KMT2E: variants seen among roughly 807,000 people sequenced by gnomAD.
KMT2E encodes histone reader KMT2E.
KMT2E carries 30 observed loss-of-function variants against 184.6 expected under a neutral mutation model. The observed-to-expected ratio is 0.16, with a 90% confidence interval of 0.12 to 0.22. The LOEUF is 0.22. Among genes scored for constraint, KMT2E ranks in the 10% least tolerant of loss-of-function variants. The pLI is 1.00. For synonymous variants in KMT2E, 815 were observed against 776.5 expected, an observed-to-expected ratio of 1.05 and a Z score of -0.82; for missense variants, 2,023 against 2,237.4, an observed-to-expected ratio of 0.90 and a Z score of 1.93.
chr7:105,027,074 C>CTTTTTT (rs34930855), intron 1 of KMT2E, among the ~76,000 whole-genome samples: 3 of 81,904 alleles, frequency 3.7e-5, no homozygotes, highest in Admixed American at 1.5e-4. Context: ...GCCCCGCCCT[C>CTTTTTT]TTTTTTTTTT....
Position 105,072,863 on chromosome 7 carries a change from A to G in KMT2E, c.498-756A>G, listed in dbSNP as rs534531083. Among the ~76,000 whole-genome samples, 406 of 152,168 alleles carry G rather than the reference A, an allele frequency of 2.7e-3. 1 individual carries two copies. Among genetic ancestry groups the G allele is most frequent in the Non-Finnish European group, 4.5e-3 (309 of 67,992 alleles). ...CAGGAGGCAGAGGTTGCAGTGAGCCAAGATTGCGCCATTGCACTCCAGCCT... is the reference window on the plus strand; with the variant it reads ...CAGGAGGCAGAGGTTGCAGTGAGCCGAGATTGCGCCATTGCACTCCAGCCT... On this transcript the variant is annotated intron_variant, in intron 6 of 26. Coordinates refer to ENST00000311117, the MANE Select transcript of KMT2E (RefSeq NM_182931.3).
At chr7:105,098,993 G>A (rs1217990031) in intron 15 of KMT2E, among the ~76,000 whole-genome samples, 1 of 152,148 alleles carries the variant, frequency 6.6e-6, no homozygotes, top group African/African-American at 2.4e-5. Context: ...TTCAGTTAGA[G>A]CTATAAAATG....
chr7:105,084,469 T>TA (rs1337831612), intron 13 of KMT2E, among the ~76,000 whole-genome samples: 1 of 151,414 alleles, frequency 6.6e-6, no homozygotes, highest in Non-Finnish European at 1.5e-5. Context: ...CTACTAAAAA[T>TA]AAAAAAAATT....
At chr7:105,035,215 G>C (rs78578517) in intron 1 of KMT2E, among the ~76,000 whole-genome samples, 2 of 149,622 alleles carry the variant, frequency 1.3e-5, no homozygotes, top group Non-Finnish European at 3.0e-5. Flanking sequence ...TGTATTTTTA[G>C]TAGAGACGGG....
At chr7:105,086,343 T>G (rs1163426707) in intron 13 of KMT2E, among the ~76,000 whole-genome samples, 1 of 152,118 alleles carries the variant, frequency 6.6e-6, no homozygotes. Flanking sequence ...CAGCATGAGT[T>G]TTTGCCAGAT....
Position 105,110,333 on chromosome 7 carries a change from T to A in KMT2E, c.3809T>A (p.Leu1270Ter). The A allele has an allele frequency of 6.2e-7, 1 of 1,614,204 alleles. No homozygotes were observed. Among genetic ancestry groups the A allele is most frequent in the Admixed American group, 1.7e-5 (1 of 60,030 alleles). Reference protein sequence around the residue: ...QVRERSYQRALLLSDHRKDKD... With the variant: ...QVRERSYQRA Reference sequence around the variant, plus strand: ...AGAGAAAGGAGTTATCAGAGAGCTTTACTTCTCAGTGATCACCGAAAAGAT... The same window carrying A: ...AGAGAAAGGAGTTATCAGAGAGCTTAACTTCTCAGTGATCACCGAAAAGAT... The change falls in exon 24 of 27, where the codon TTA becomes TAA. Residue 1270 changes from leucine to a stop codon, truncating the protein, a stop_gained. Transcript: ENST00000311117. LOFTEE classifies it high-confidence loss of function.
Position 105,114,424 on chromosome 7 carries a change from G to A in KMT2E, c.*1091G>A, listed in dbSNP as rs1053596242. 6.6e-6 allele frequency: 1 copy of A among 152,078 alleles called. No individual in the cohort carries two copies. The highest frequency in any genetic ancestry group is 1.5e-5 in the Non-Finnish European group (1 of 68,000). 9.4% of individuals were successfully genotyped at this position (152,078 alleles called of 1,614,324 possible). On this transcript the variant is annotated 3_prime_UTR_variant, in exon 27 of 27. Coordinates refer to ENST00000311117, the MANE Select transcript of KMT2E (RefSeq NM_182931.3). ...CAAAACAGGAAAATTTGTCTTGGGTGTAAAAACTAAAGAAAAAAGGCATTA... is the reference window on the plus strand; with the variant it reads ...CAAAACAGGAAAATTTGTCTTGGGTATAAAAACTAAAGAAAAAAGGCATTA...
chr7:105,054,933 G>C (rs372915327), intron 3 of KMT2E, among the ~76,000 whole-genome samples: 1 of 152,196 alleles, frequency 6.6e-6, no homozygotes, highest in African/African-American at 2.4e-5. Context: ...GTGCTTTTCA[G>C]AAAAGTGAAG....
intron 3 of KMT2E, among the ~76,000 whole-genome samples, chr7:105,049,981 C>A (rs757699609): frequency 6.6e-6 from 1 of 152,330 alleles, no homozygotes; most frequent in African/African-American, 2.4e-5. Context: ...CCCCTTCTCA[C>A]CTTTTCAGAA....
intron 22 of KMT2E, 35 bp downstream of exon 22, chr7:105,107,960 G>GTT (rs34102092): frequency 0.069 from 79,696 of 1,150,492 alleles, 586 homozygotes; most frequent in Admixed American, 0.11. Context: ...CCTTTTAATA[G>GTT]TTTTTTTTTT....
At chr7:105,065,342 CT>C (rs1488413698) in intron 5 of KMT2E, among the ~76,000 whole-genome samples, 3 of 152,096 alleles carry the variant, frequency 2.0e-5, no homozygotes, top group Non-Finnish European at 4.4e-5. Context: ...TATTCTAACC[CT>C]TGTCATTTGT....
intron 15 of KMT2E, among the ~76,000 whole-genome samples, chr7:105,098,094 TCTTTTTAGATTTA>T (rs1478018577): frequency 1.3e-5 from 2 of 152,212 alleles, no homozygotes; most frequent in Admixed American, 1.3e-4. Flanking sequence ...ATCTTACCCA[TCTTTTTAGATTTA>T]TAAGTTTATC....
chr7:105,037,069 T>A (rs1298278176), intron 1 of KMT2E, among the ~76,000 whole-genome samples: 1 of 152,184 alleles, frequency 6.6e-6, no homozygotes, highest in Non-Finnish European at 1.5e-5. Context: ...ACATGTCTCC[T>A]CAAAATTTCT....
Position 105,111,806 on chromosome 7 carries a change from ATT to A in KMT2E, c.4069-17_4069-16del. On this transcript the variant is annotated splice_polypyrimidine_tract_variant and intron_variant, in intron 26 of 26. Coordinates refer to ENST00000311117, the MANE Select transcript of KMT2E (RefSeq NM_182931.3). ...ACAAAATGTTCCTTGAATGTATATA[ATT>A]TGTTTTCTCTTCATAGCCTGGTTCA... 2 of 1,587,876 alleles carry A rather than the reference ATT, an allele frequency of 1.3e-6. No homozygotes were observed. Among genetic ancestry groups the A allele is most frequent in the South Asian group, 2.3e-5 (2 of 86,194 alleles).
At chr7:105,049,900 TAAAG>T (rs918868168) in intron 3 of KMT2E, among the ~76,000 whole-genome samples, 3 of 151,818 alleles carry the variant, frequency 2.0e-5, no homozygotes, top group African/African-American at 7.3e-5. Flanking sequence ...TCAAAAAAGA[TAAAG>T]AAAAAAGAAA....
In KMT2E at chr7:105,105,998, T is replaced by C; in HGVS notation, c.2591T>C (p.Leu864Pro). 1 of 1,600,260 alleles carries C rather than the reference T, an allele frequency of 6.2e-7. No individual in the cohort carries two copies. The highest frequency in any genetic ancestry group is 8.5e-7 in the Non-Finnish European group (1 of 1,176,500). Residue 864 changes from leucine to proline, a missense_variant, in exon 19 of 27, where the codon CTT becomes CCT. Around this residue, in one of 8 missense-constraint regions of KMT2E, gnomAD observed 514 missense variants for 621.8 expected, o/e 0.83. Coordinates refer to ENST00000311117, the MANE Select transcript of KMT2E (RefSeq NM_182931.3). ...CTACTATTAAATGACAGCTGTTCCC[T>C]TCCAGGTAGAATTTTTTTTTCAGAG... Reference protein sequence around the residue: ...SPLLLNDSCSLPDLTTPLKKR... With the variant: ...SPLLLNDSCSPPDLTTPLKKR...
intron 8 of KMT2E, 99 bp downstream of exon 8, chr7:105,074,914 AAAAAGG>A: frequency 1.2e-6 from 1 of 809,316 alleles, no homozygotes; most frequent in Non-Finnish European, 1.8e-6. Flanking sequence ...GATGATAGCT[AAAAAGG>A]ATCTAGCAGA....
intron 1 of KMT2E, among the ~76,000 whole-genome samples, chr7:105,034,862 G>A (rs1795569105): frequency 1.0e-5 from 1 of 100,470 alleles, no homozygotes; most frequent in East Asian, 4.6e-4. Flanking sequence ...TTTGGGGGGT[G>A]GGGGGGTGGG....
chr7:105,055,943 A>T (rs1796558226), intron 3 of KMT2E, among the ~76,000 whole-genome samples: 1 of 151,308 alleles, frequency 6.6e-6, no homozygotes. Context: ...AGCATTTGGT[A>T]CAGTATCTCA....
Sources: gnomAD v4.1 joint callset for allele counts (sites outside exome capture counted in the v4.1 genomes callset) on GRCh38, gnomAD v4.1.1 for gene constraint, gnomAD v4.1.1 regional missense constraint, MANE v1.5 for transcripts, NCBI Gene and HGNC (gene_info 2026-07-23, HGNC 2026-07-21) for gene names.